Variants in PRR14L observed in about 807,000 individuals in gnomAD.
PRR14L encodes the protein proline rich 14 like.
A neutral mutation model predicts 155.0 loss-of-function variants in PRR14L; 80 were observed. That is an observed-to-expected ratio of 0.52 (90% CI 0.43 to 0.62). The LOEUF (loss-of-function observed/expected upper bound fraction) is 0.62, where lower values mean the gene tolerates loss of function less well. Among genes scored for constraint, PRR14L ranks in the 20% least tolerant of loss-of-function variants. The pLI is 0.00. For synonymous variants in PRR14L, 883 were observed against 916.0 expected, an observed-to-expected ratio of 0.96 and a Z score of 0.65; for missense variants, 2,469 against 2,548.0, an observed-to-expected ratio of 0.97 and a Z score of 0.67.
intron 2 of PRR14L, among the ~76,000 whole-genome samples, chr22:31,734,456 G>T (rs2074767777): frequency 9.2e-5 from 14 of 152,206 alleles, no homozygotes; most frequent in Admixed American, 9.2e-4. Flanking sequence ...ATTGAGATCA[G>T]GGGATGCCTG....
intron 3 of PRR14L, among the ~76,000 whole-genome samples, chr22:31,719,084 G>GAACAA (rs201421603): frequency 0.033 from 5,037 of 151,284 alleles, 108 homozygotes; most frequent in Non-Finnish European, 0.053. Flanking sequence ...AAAAAACAAA[G>GAACAA]AACAAAACAA....
Position 31,714,205 on chromosome 22 carries a change from T to C in PRR14L, c.3634A>G (p.Ser1212Gly), listed in dbSNP as rs1401003904. 1.1e-5 allele frequency: 17 copies of C among 1,551,490 alleles called. No individual in the cohort carries two copies. Among genetic ancestry groups the C allele is most frequent in the Non-Finnish European group, 1.5e-5 (17 of 1,146,976 alleles). ...LEPNSEFGKESTFGISSKESM... is the reference protein window; with the variant it reads ...LEPNSEFGKEGTFGISSKESM... ...TCTTTTGAGGAAATTCCAAAGGTAC[T>C]TTCTTTGCCAAACTCAGAGTTTGGT... Residue 1212 changes from serine to glycine, a missense_variant, in exon 4 of 9, where the codon AGT becomes GGT. Physicochemically the swap from Ser to Gly is moderately conservative, Grantham distance 56. Around this residue, in one of 2 missense-constraint regions of PRR14L, gnomAD observed 2,363 missense variants for 2,371.6 expected, o/e 1.00. Coordinates refer to ENST00000327423, the MANE Select transcript of PRR14L (RefSeq NM_173566.3).
At chr22:31,705,505 C>G (rs1019637032) in intron 4 of PRR14L, among the ~76,000 whole-genome samples, 4 of 151,964 alleles carry the variant, frequency 2.6e-5, no homozygotes, top group Non-Finnish European at 4.4e-5. Context: ...TCCCAAGTAG[C>G]TGGGACTATA....
Position 31,715,852 on chromosome 22 carries a change from G to C in PRR14L, c.1987C>G (p.His663Asp). ...AGAGAGTCAGTTGGCAAATTTGCAT[G>C]TTCTTGAGAATTAAGGGACACTTGT... is the stretch of plus-strand genomic sequence containing the variant. ...NQQVSLNSQEHANLPTDSLLH... is the reference protein window; with the variant it reads ...NQQVSLNSQEDANLPTDSLLH... Residue 663 changes from histidine (H) to aspartate (D), a missense_variant, in exon 4 of 9, where the codon CAT (histidine) becomes GAT (aspartate). By Grantham distance (81) the His-to-Asp change is moderately conservative (BLOSUM62 -1). Transcript: ENST00000327423. 1 of 1,551,602 alleles carries C rather than the reference G, an allele frequency of 6.4e-7. No homozygotes were observed. The highest frequency in any genetic ancestry group is 8.7e-7 in the Non-Finnish European group (1 of 1,146,890).
At chr22:31,689,281 G>C (rs891511430) in intron 7 of PRR14L, among the ~76,000 whole-genome samples, 1 of 152,050 alleles carries the variant, frequency 6.6e-6, no homozygotes, top group African/African-American at 2.4e-5. Context: ...CCAAGAGTTC[G>C]AGACCAGCCT....
In PRR14L at chr22:31,713,262, C is replaced by G. The variant is rs2074633937; in HGVS notation, c.4577G>C (p.Cys1526Ser). The G allele has an allele frequency of 1.3e-6, 2 of 1,552,024 alleles. No homozygotes were observed. The highest frequency in any genetic ancestry group is 2.7e-5 in the African/African-American group (2 of 73,038). The change falls in exon 4 of 9, where the codon TGT becomes TCT. Residue 1526 changes from cysteine to serine, a missense_variant. By Grantham distance (112) the Cys-to-Ser change is moderately radical. Coordinates refer to ENST00000327423, the MANE Select transcript of PRR14L (RefSeq NM_173566.3). ...TTGCTCCTGATAGGAAACTTTCTTA[C>G]AAGTTCGATGGGGCTGCTTCTTTAA... ...LPLKKQPHRT[C>S]KKVSYQEQII...
chr22:31,703,794 T>A, intron 5 of PRR14L, 73 bp from the exon 6 acceptor site: 5 of 953,640 alleles, frequency 5.2e-6, no homozygotes, highest in Non-Finnish European at 7.2e-6. Flanking sequence ...CTTCTTCTTC[T>A]TCATTTTTTT....
chr22:31,716,317 C>T lies in PRR14L; in HGVS notation c.1522G>A (p.Glu508Lys). 1 of 1,551,682 alleles carries T rather than the reference C, an allele frequency of 6.4e-7. No individual in the cohort carries two copies. The highest frequency in any genetic ancestry group is 8.7e-7 in the Non-Finnish European group (1 of 1,146,978). The change falls in exon 4 of 9, where the codon GAA (glutamate) becomes AAA (lysine). Residue 508 changes from glutamate to lysine, a missense_variant. Glu to Lys is a moderately conservative substitution (Grantham distance 56). Transcript: ENST00000327423. ...ATCAAGGAGGAAAAACTGCTTTCTT[C>T]AGAGTGTCCACCAGGATGGCTCATA... ...TNMSHPGGHS[E>K]ESSFSSLMQI...
At chr22:31,741,830 C>T (rs1033184832) in intron 1 of PRR14L, among the ~76,000 whole-genome samples, 1 of 152,220 alleles carries the variant, frequency 6.6e-6, no homozygotes, top group African/African-American at 2.4e-5. Flanking sequence ...CAAGATCACG[C>T]TACTGCACTC....
intron 1 of PRR14L, among the ~76,000 whole-genome samples, chr22:31,749,748 G>C (rs1439224543): frequency 6.6e-6 from 1 of 152,174 alleles, no homozygotes; most frequent in African/African-American, 2.4e-5. Flanking sequence ...GGTTGAAGAG[G>C]AGTCTCTCTC....
At position 31,712,261 on chromosome 22, in the gene PRR14L, G is replaced by T. The variant is rs1240387583; in HGVS notation, c.5578C>A (p.Leu1860Met). 2 of 1,614,182 alleles carry T rather than the reference G, an allele frequency of 1.2e-6. No homozygotes were observed. The highest frequency in any genetic ancestry group is 1.7e-6 in the Non-Finnish European group (2 of 1,180,032). ...RLFMTQFTQG[L>M]KGLRSPASIA... ...GAGGCTGGAGACCGTAACCCTTTCA[G>T]GCCCTGTGTAAACTGGGTCATGAAG... Residue 1860 changes from leucine to methionine, a missense_variant, in exon 4 of 9, where the codon CTG becomes ATG. Physicochemically the swap from Leu to Met is conservative, Grantham distance 15. Around this residue, in one of 2 missense-constraint regions of PRR14L, gnomAD observed 2,363 missense variants for 2,371.6 expected, o/e 1.00. Coordinates refer to ENST00000327423, the MANE Select transcript of PRR14L (RefSeq NM_173566.3).
chr22:31,725,805 A>T (rs2074713658), intron 2 of PRR14L, among the ~76,000 whole-genome samples, 195 bp from the exon 3 acceptor site: 1 of 152,096 alleles, frequency 6.6e-6, no homozygotes, highest in Non-Finnish European at 1.5e-5. Flanking sequence ...AGTAGCTGGG[A>T]TTACATGCAC....
intron 4 of PRR14L, 75 bp from the exon 5 acceptor site, chr22:31,704,801 G>A: frequency 8.8e-7 from 1 of 1,138,902 alleles, no homozygotes; most frequent in Non-Finnish European, 1.3e-6. Context: ...TGTTATTGTG[G>A]GTATTAGCAC....
rs150684357 is a variant in PRR14L, at chr22:31,684,911, G to C, written c.*616C>G. 6.6e-6 allele frequency: 1 copy of C among 152,364 alleles called. No homozygotes were observed. Among genetic ancestry groups the C allele is most frequent in the East Asian group, 1.9e-4 (1 of 5,186 alleles). 9.4% of individuals were successfully genotyped at this position (152,364 alleles called of 1,614,324 possible). A position where few individuals can be genotyped will look rare whatever the true frequency, so the allele number is the denominator to read the frequency against. ...AATGGGGCCTGGACGGGCTCCTCTG[G>C]CACTAGTGACCCAGTCACAGAGGGG... On this transcript the variant is annotated 3_prime_UTR_variant, in exon 9 of 9. Transcript: ENST00000327423.
rs946384417 is a variant in PRR14L at position 31,681,913 on chromosome 22, C to T, written c.*3614G>A. ...CCACAATGTGGTTATTTAAGAAGTC[C>T]TTTCCATGACACCAGGGGAAAAGCT... On this transcript the variant is annotated 3_prime_UTR_variant, in exon 9 of 9. Coordinates refer to ENST00000327423, the MANE Select transcript of PRR14L (RefSeq NM_173566.3). 2.0e-5 allele frequency: 3 copies of T among 152,104 alleles called. No individual in the cohort carries two copies. Among genetic ancestry groups the T allele is most frequent in the Non-Finnish European group, 4.4e-5 (3 of 68,024 alleles). The allele number at this position is 152,104 out of a possible 1,614,324, so 9.4% of individuals were successfully genotyped here.
Position 31,715,852 on chromosome 22 carries a change from GTTC to G in PRR14L, c.1984_1986del (p.Glu662del), listed in dbSNP as rs1394277733. ...AGAGAGTCAGTTGGCAAATTTGCAT[GTTC>G]TTGAGAATTAAGGGACACTTGTTGA... is the stretch of plus-strand genomic sequence containing the variant. On this transcript the variant is annotated inframe_deletion, in exon 4 of 9. Coordinates refer to ENST00000327423, the MANE Select transcript of PRR14L (RefSeq NM_173566.3). 2.6e-6 allele frequency: 4 copies of G among 1,551,602 alleles called. No homozygotes were observed. Among genetic ancestry groups the G allele is most frequent in the Non-Finnish European group, 3.5e-6 (4 of 1,146,890 alleles).
At chr22:31,732,273 G>A (rs1208240745) in intron 2 of PRR14L, among the ~76,000 whole-genome samples, 1 of 152,188 alleles carries the variant, frequency 6.6e-6, no homozygotes, top group Non-Finnish European at 1.5e-5. Context: ...CAACAGAGCA[G>A]GCCTGACTGC....
Position 31,685,461 on chromosome 22 carries a change from A to C in PRR14L, c.*66T>G, listed in dbSNP as rs1314166741. On this transcript the variant is annotated 3_prime_UTR_variant, in exon 9 of 9. Transcript: ENST00000327423. ...TTTCCAAGGAGGTCCAAAAAAAAAA[A>C]AAAAACCCAAAAACAAAACAAAACA... 2.1e-6 allele frequency: 3 copies of C among 1,411,686 alleles called. No individual in the cohort carries two copies. Among genetic ancestry groups the C allele is most frequent in the East Asian group, 5.0e-5 (2 of 39,890 alleles). The allele number at this position is 1,411,686 out of a possible 1,614,324, so 87.4% of individuals were successfully genotyped here.
chr22:31,734,450 A>AG (rs1449259608), intron 2 of PRR14L, among the ~76,000 whole-genome samples: 1 of 152,228 alleles, frequency 6.6e-6, no homozygotes, highest in Non-Finnish European at 1.5e-5. Context: ...TTATAAATTG[A>AG]GATCAGGGGA....
Sources: gnomAD v4.1 joint callset for allele counts (sites outside exome capture counted in the v4.1 genomes callset) on GRCh38, gnomAD v4.1.1 for gene constraint, gnomAD v4.1.1 regional missense constraint, MANE v1.5 for transcripts, NCBI Gene and HGNC (gene_info 2026-07-23, HGNC 2026-07-21) for gene names.